The following HELQ variants were observed in gnomAD, a reference collection of about 807,000 sequenced individuals.
The protein encoded by HELQ is helicase POLQ-like.
Under a neutral mutation model 111.6 loss-of-function variants are expected in HELQ, and 77 were observed. The observed-to-expected ratio is 0.69, with a 90% confidence interval of 0.57 to 0.83. The LOEUF is 0.83. Ranked by LOEUF, HELQ falls within the 40% of genes least tolerant of loss-of-function variation. The pLI is 0.00. For missense variants in HELQ, 1,200 were observed against 1,288.5 expected (o/e 0.93, Z 1.05); for synonymous variants, 438 against 454.7 (o/e 0.96, Z 0.47).
intron 17 of HELQ, among the ~76,000 whole-genome samples, chr4:83,415,685 T>G (rs1328343013): frequency 6.6e-6 from 1 of 151,634 alleles, no homozygotes; most frequent in African/African-American, 2.4e-5. Context: ...CAGGTTGGAG[T>G]GCAGTGGCAT....
chr4:83,438,316 G>C (rs775258607), intron 8 of HELQ, among the ~76,000 whole-genome samples: 3 of 152,162 alleles, frequency 2.0e-5, no homozygotes, highest in Non-Finnish European at 4.4e-5. Context: ...AGTAGTTAAA[G>C]TAACTTCATA....
intron 9 of HELQ, among the ~76,000 whole-genome samples, chr4:83,433,138 G>A (rs1023479658): frequency 2.0e-5 from 3 of 151,566 alleles, no homozygotes; most frequent in African/African-American, 7.3e-5. Context: ...TTATCCAAAG[G>A]GAAGAAAAAA....
chr4:83,451,400 C>T (rs1039793178), intron 2 of HELQ, among the ~76,000 whole-genome samples: 3 of 152,066 alleles, frequency 2.0e-5, no homozygotes, highest in Non-Finnish European at 2.9e-5. Flanking sequence ...CGGTGGCTCA[C>T]GCCTGTAATC....
At chr4:83,451,963 A>G (rs1382716101) in intron 2 of HELQ, among the ~76,000 whole-genome samples, 1 of 152,222 alleles carries the variant, frequency 6.6e-6, no homozygotes, top group Admixed American at 6.5e-5. Context: ...TATCATTCAT[A>G]AGATCCTAAC....
intron 2 of HELQ, among the ~76,000 whole-genome samples, chr4:83,451,648 C>T (rs1277303078): frequency 6.7e-6 from 1 of 150,156 alleles, no homozygotes; most frequent in Non-Finnish European, 1.5e-5. Flanking sequence ...CTGGGCAACA[C>T]GCGAGACTCC....
intron 17 of HELQ, among the ~76,000 whole-genome samples, chr4:83,407,820 G>C (rs557037105): frequency 5.7e-4 from 86 of 152,114 alleles, no homozygotes; most frequent in Non-Finnish European, 1.1e-3. Flanking sequence ...CCAAAGATTT[G>C]TTTTATTGAA....
rs758005953 is a variant in HELQ, at chr4:83,453,953, G to C, written c.298-8C>G. 4.9e-5 allele frequency: 76 copies of C among 1,539,448 alleles called. No homozygotes were observed. The highest frequency in any genetic ancestry group is 6.5e-5 in the Non-Finnish European group (73 of 1,124,418). On this transcript the variant is annotated splice_region_variant and splice_polypyrimidine_tract_variant and intron_variant, in intron 1 of 17. Coordinates refer to ENST00000295488, the MANE Select transcript of HELQ (RefSeq NM_133636.5). Reference sequence around the variant, plus strand: ...CACTTCACTGTCATTAGGCTGCAAAGAGAACAAAAACGCTTATGGTCAATT... The same window carrying C: ...CACTTCACTGTCATTAGGCTGCAAACAGAACAAAAACGCTTATGGTCAATT...
chr4:83,408,924 C>T (rs1738940263), intron 17 of HELQ, among the ~76,000 whole-genome samples: 1 of 152,054 alleles, frequency 6.6e-6, no homozygotes, highest in Non-Finnish European at 1.5e-5. Context: ...ATTTAAAATG[C>T]ATGTGGGACT....
chr4:83,421,261 C>G (rs1739668054), intron 15 of HELQ, among the ~76,000 whole-genome samples: 1 of 152,154 alleles, frequency 6.6e-6, no homozygotes, highest in Admixed American at 6.5e-5. Flanking sequence ...TTGTTTTTAA[C>G]AGTTAATTCT....
intron 5 of HELQ, among the ~76,000 whole-genome samples, 196 bp downstream of exon 5, chr4:83,445,818 G>A (rs577647640): frequency 6.6e-5 from 10 of 152,240 alleles, no homozygotes; most frequent in East Asian, 1.9e-4. Context: ...AGTAAGTGGC[G>A]GATAATAATA....
At chr4:83,443,374 C>T (rs1314203494) in intron 6 of HELQ, 143 bp downstream of exon 6, 2 of 441,142 alleles carry the variant, frequency 4.5e-6, no homozygotes, top group Admixed American at 7.9e-5. Context: ...TATACACAAC[C>T]TCTTATTAGC....
chr4:83,420,994 G>C (rs1226263915), intron 15 of HELQ, among the ~76,000 whole-genome samples: 5 of 152,148 alleles, frequency 3.3e-5, no homozygotes, highest in Non-Finnish European at 7.4e-5. Flanking sequence ...TTTTTGTAGA[G>C]ATGGAGTTTT....
At chr4:83,413,813 C>T (rs930924631) in intron 17 of HELQ, among the ~76,000 whole-genome samples, 15 of 152,210 alleles carry the variant, frequency 9.9e-5, no homozygotes, top group Non-Finnish European at 1.6e-4. Flanking sequence ...GTAGTTGCTC[C>T]AGTCAAAAGC....
chr4:83,441,443 A>C, intron 6 of HELQ, 40 bp from the exon 7 acceptor site: 1 of 913,436 alleles, frequency 1.1e-6, no homozygotes. Context: ...ACGACATATA[A>C]ATTCATCTTT....
chr4:83,421,473 G>A (rs1429309937), intron 15 of HELQ, 90 bp downstream of exon 15: 2 of 879,532 alleles, frequency 2.3e-6, no homozygotes, highest in Non-Finnish European at 3.5e-6. Context: ...AGGAGAAAAT[G>A]CTGACATACT....
In HELQ at chr4:83,407,489, G is replaced by A. The variant is rs1738856120; in HGVS notation, c.3270C>T (p.Phe1090=). 6 of 1,609,770 alleles carry A rather than the reference G, an allele frequency of 3.7e-6. No homozygotes were observed. Among genetic ancestry groups the A allele is most frequent in the Non-Finnish European group, 5.1e-6 (6 of 1,178,610 alleles). The change falls in exon 18 of 18, where the codon TTC becomes TTT. Residue 1090 remains phenylalanine (F), a synonymous_variant. Coordinates refer to ENST00000295488, the MANE Select transcript of HELQ (RefSeq NM_133636.5). ...CAGTGGAAGAAGCCACAGCACCAGG[G>A]AAATCAGAAGGCAATCTTAGTAACT... ...VEELLRLPSD[F]PGAVASSTDK...
At chr4:83,416,399 T>C (rs1739360837) in intron 17 of HELQ, among the ~76,000 whole-genome samples, 1 of 151,958 alleles carries the variant, frequency 6.6e-6, no homozygotes, top group African/African-American at 2.4e-5. Flanking sequence ...TTTAAATTTT[T>C]TTGCAGAAAC....
rs572171295 is a variant in HELQ at position 83,430,717 on chromosome 4, T to C, written c.2295+947A>G. Among the ~76,000 whole-genome samples the C allele has an allele frequency of 3.9e-5, 6 of 152,356 alleles. No individual in the cohort carries two copies. The South Asian group carries it at 1.2e-3, about 32-fold the overall frequency. ...TATAATGGAGCACAGACATTTTCTA[T>C]TGCTTCTTCCCACTTTAATAAAAAT... is the stretch of plus-strand genomic sequence containing the variant. On this transcript the variant is annotated intron_variant, in intron 11 of 17. Coordinates refer to ENST00000295488, the MANE Select transcript of HELQ (RefSeq NM_133636.5).
intron 6 of HELQ, among the ~76,000 whole-genome samples, chr4:83,442,557 G>A (rs1176725563): frequency 6.6e-6 from 1 of 151,572 alleles, no homozygotes; most frequent in African/African-American, 2.4e-5. Context: ...GACTACAGGC[G>A]TGCGTCACCA....
Sources: gnomAD v4.1 joint callset for allele counts (sites outside exome capture counted in the v4.1 genomes callset) on GRCh38, gnomAD v4.1.1 for gene constraint, MANE v1.5 for transcripts, NCBI Gene and HGNC (gene_info 2026-07-23, HGNC 2026-07-21) for gene names.